APCDD1L: variants seen among roughly 807,000 people sequenced by gnomAD.
APCDD1L encodes protein APCDD1-like.
Under a neutral mutation model 24.2 loss-of-function variants are expected in APCDD1L, and 21 were observed. The observed-to-expected ratio is 0.87, with a 90% CI of 0.61 to 1.25. The LOEUF (loss-of-function observed/expected upper bound fraction) is 1.25, where lower values mean the gene tolerates loss of function less well. APCDD1L is among the 50% of genes most tolerant of loss of function. The pLI, the probability that APCDD1L is intolerant of heterozygous loss-of-function variation, is 0.00. For missense variants in APCDD1L, 704 were observed against 711.7 expected (o/e 0.99, Z 0.12); for synonymous variants, 321 against 323.6 (o/e 0.99, Z 0.09).
chr20:58,467,375 A>G lies in APCDD1L; in HGVS notation c.472T>C (p.Cys158Arg). 6.7e-7 allele frequency: 1 copy of G among 1,481,730 alleles called. No homozygotes were observed. Among genetic ancestry groups the G allele is most frequent in the Non-Finnish European group, 8.9e-7 (1 of 1,123,444 alleles). 91.8% of individuals were successfully genotyped at this position (1,481,730 alleles called of 1,614,324 possible). A position where few individuals can be genotyped will look rare whatever the true frequency, so the allele number is the denominator to read the frequency against. ...CGGGCCGGAGGCAGCCGCCGCGCGC[A>G]GTCCCGGCCGGCGCGGGTCTGGTTG... ...RLNQTRAGRD[C>R]ARRLPPARAW... The change falls in exon 3 of 4, where the codon TGC becomes CGC. Residue 158 changes from cysteine to arginine, a missense_variant. Physicochemically the swap from Cys to Arg is radical, Grantham distance 180. Coordinates refer to ENST00000371149, the MANE Select transcript of APCDD1L (RefSeq NM_153360.3). This position sits in a 1 kb window ranked among gnomAD's most constrained non-coding sequence, Gnocchi z 5.9.
chr20:58,475,484 T>C (rs1989889317), intron 1 of APCDD1L, among the ~76,000 whole-genome samples: 2 of 152,138 alleles, frequency 1.3e-5, no homozygotes, highest in Non-Finnish European at 2.9e-5. Flanking sequence ...TATTAAAATA[T>C]TTGGTATTTT....
At chr20:58,489,480 G>A (rs1990182829) in intron 1 of APCDD1L, among the ~76,000 whole-genome samples, 1 of 152,116 alleles carries the variant, frequency 6.6e-6, no homozygotes, top group Non-Finnish European at 1.5e-5. Context: ...TTAGGAGTTT[G>A]AGATCAGCCT....
chr20:58,470,872 C>T, intron 1 of APCDD1L, 125 bp from the exon 2 acceptor site: 1 of 1,355,646 alleles, frequency 7.4e-7, no homozygotes, highest in South Asian at 1.5e-5. Context: ...TCCATCGCAG[C>T]CCCGTCCCCA....
chr20:58,481,896 C>G (rs1049291050), intron 1 of APCDD1L, among the ~76,000 whole-genome samples: 2 of 152,150 alleles, frequency 1.3e-5, no homozygotes, highest in Non-Finnish European at 2.9e-5. Flanking sequence ...AGACTGAAGG[C>G]AAAGGGTGAA....
At chr20:58,466,687 G>A (rs73298790) in intron 3 of APCDD1L, among the ~76,000 whole-genome samples, 1,717 of 152,300 alleles carry the variant, frequency 0.011, 33 homozygotes, top group African/African-American at 0.037. Context: ...GCTTCAGAGC[G>A]GGCTGAGAGC....
chr20:58,474,791 C>T (rs1479570589), intron 1 of APCDD1L, among the ~76,000 whole-genome samples: 1 of 152,188 alleles, frequency 6.6e-6, no homozygotes, highest in African/African-American at 2.4e-5. Context: ...TTAGGACATT[C>T]ACAATACCGT....
intron 1 of APCDD1L, among the ~76,000 whole-genome samples, chr20:58,500,395 G>A (rs1001430645): frequency 6.6e-6 from 1 of 152,032 alleles, no homozygotes; most frequent in Non-Finnish European, 1.5e-5. Context: ...AAGCATGAAC[G>A]TCACCAGTGG....
chr20:58,488,398 G>A (rs1444836833), intron 1 of APCDD1L, among the ~76,000 whole-genome samples: 1 of 152,082 alleles, frequency 6.6e-6, no homozygotes, highest in African/African-American at 2.4e-5. Context: ...ATATATTACT[G>A]TGTCCAAAAA....
chr20:58,467,301 C>CT lies in APCDD1L; in HGVS notation c.545dup (p.Asp184GlyfsTer171). On this transcript the variant is annotated frameshift_variant, in exon 3 of 4. Coordinates refer to ENST00000371149, the MANE Select transcript of APCDD1L (RefSeq NM_153360.3). LOFTEE classifies it high-confidence loss of function. This position sits in a 1 kb window ranked among gnomAD's most constrained non-coding sequence, Gnocchi z 5.9. ...GGCCCAGCGCCTCCAGGCAGTCCCC[C>CT]TGAGCCCGGGCGCTCCGCAGCTCGT... 6.5e-7 allele frequency: 1 copy of CT among 1,535,400 alleles called. No homozygotes were observed. The highest frequency in any genetic ancestry group is 8.7e-7 in the Non-Finnish European group (1 of 1,147,820).
intron 1 of APCDD1L, among the ~76,000 whole-genome samples, chr20:58,511,670 G>T (rs541828498): frequency 3.3e-5 from 5 of 152,016 alleles, no homozygotes; most frequent in African/African-American, 4.8e-5. Flanking sequence ...AATTTTTTTT[G>T]TTTGTTTTAA....
intron 1 of APCDD1L, among the ~76,000 whole-genome samples, chr20:58,496,824 G>A (rs1077351): frequency 0.69 from 105,222 of 152,002 alleles, 37,026 homozygotes; most frequent in Admixed American, 0.77. Context: ...GGGAGACCCC[G>A]AGGGGATGCC....
At chr20:58,512,063 C>T (rs1434991560) in intron 1 of APCDD1L, among the ~76,000 whole-genome samples, 8 of 152,196 alleles carry the variant, frequency 5.3e-5, no homozygotes, top group East Asian at 1.9e-4. Flanking sequence ...TCTGGCCTGA[C>T]AGGGTTTGAA....
At chr20:58,492,887 A>G (rs1389458113) in intron 1 of APCDD1L, among the ~76,000 whole-genome samples, 14 of 151,354 alleles carry the variant, frequency 9.2e-5, no homozygotes, top group Non-Finnish European at 1.5e-4. Flanking sequence ...ATGCAAGCAT[A>G]TACACACATA....
intron 1 of APCDD1L, among the ~76,000 whole-genome samples, chr20:58,471,021 T>C (rs1308229179): frequency 1.3e-5 from 2 of 152,196 alleles, no homozygotes; most frequent in Non-Finnish European, 2.9e-5. Context: ...CTGTCCCAGA[T>C]TCTGGGGCTG....
Position 58,462,843 on chromosome 20 carries a change from C to CAAAAAAA in APCDD1L, c.742-1296_742-1290dup, listed in dbSNP as rs59846654. Among the ~76,000 whole-genome samples the CAAAAAAA allele has an allele frequency of 4.2e-4, 48 of 114,254 alleles. 1 individual carries two copies. The highest frequency in any genetic ancestry group is 6.7e-4 in the Non-Finnish European group (36 of 53,764). 75.0% of individuals were successfully genotyped at this position (114,254 alleles called of 152,430 possible). A position where few individuals can be genotyped will look rare whatever the true frequency, so the allele number is the denominator to read the frequency against. On this transcript the variant is annotated intron_variant, in intron 3 of 3. Transcript: ENST00000371149. ...TGGGGGACAGAGCGAGACACCATCT[C>CAAAAAAA]AAAAAAAAAAAAAAAATTGGCCAGG...
rs1568732441 is a variant in APCDD1L, at chr20:58,461,545, G to A, written c.751C>T (p.Gln251Ter). 2 of 1,424,202 alleles carry A rather than the reference G, an allele frequency of 1.4e-6. No homozygotes were observed. The highest frequency in any genetic ancestry group is 1.6e-5 in the South Asian group (1 of 61,230). The allele number at this position is 1,424,202 out of a possible 1,614,324, so 88.2% of individuals were successfully genotyped here. A position where few individuals can be genotyped will look rare whatever the true frequency, so the allele number is the denominator to read the frequency against. The change falls in exon 4 of 4, where the codon CAG becomes TAG. Residue 251 changes from glutamine to a stop codon, truncating the protein, a stop_gained. Transcript: ENST00000371149. LOFTEE classifies it low-confidence loss of function (END_TRUNC). This position sits in a 1 kb window ranked among gnomAD's most constrained non-coding sequence, Gnocchi z 6.0. ...ATGAGGCCACAGGCTGGGCACGGCT[G>A]CACGTGGTGCTGGCAAAAGACAAAC... is the stretch of plus-strand genomic sequence containing the variant. ...RPLQSALHHV[Q>*]PCPACGLIAR... is the part of the protein sequence containing the mutation.
chr20:58,464,340 T>C (rs151084061), intron 3 of APCDD1L, among the ~76,000 whole-genome samples: 34 of 152,322 alleles, frequency 2.2e-4, no homozygotes, highest in African/African-American at 7.9e-4. Flanking sequence ...CAGAAACAAA[T>C]TGAGAAGCAG....
rs1568732556 is a variant in APCDD1L, at chr20:58,461,801, C to T, written c.742-247G>A. 2.5e-6 allele frequency: 1 copy of T among 394,254 alleles called. No individual in the cohort carries two copies. The highest frequency in any genetic ancestry group is 2.1e-5 in the African/African-American group (1 of 48,632). The allele number at this position is 394,254 out of a possible 1,614,324, so 24.4% of individuals were successfully genotyped here. On this transcript the variant is annotated intron_variant, in intron 3 of 3. Coordinates refer to ENST00000371149, the MANE Select transcript of APCDD1L (RefSeq NM_153360.3). The surrounding 1 kb of genome is among the most constrained non-coding windows in gnomAD (Gnocchi z 6.0). ...TTGGGTCTCCTGCTGTCTCTTCCAC[C>T]TGGAATTCCCCGCCAGCTCCTTCTT... is the stretch of plus-strand genomic sequence containing the variant.
At chr20:58,512,143 T>A (rs902589201) in intron 1 of APCDD1L, among the ~76,000 whole-genome samples, 6 of 152,188 alleles carry the variant, frequency 3.9e-5, no homozygotes, top group Non-Finnish European at 7.3e-5. Context: ...GCGGACATGT[T>A]CAGATACAAG....
Sources: gnomAD v4.1 joint callset for allele counts (sites outside exome capture counted in the v4.1 genomes callset) on GRCh38, gnomAD v4.1.1 for gene constraint, Gnocchi (gnomAD v3.1) non-coding constraint, MANE v1.5 for transcripts, NCBI Gene and HGNC (gene_info 2026-07-23, HGNC 2026-07-21) for gene names.